Variants in GPI observed in about 807,000 individuals in gnomAD.
GPI encodes D-hexose-6-phosphate anomerase.
GPI carries 56 observed loss-of-function variants against 75.8 expected under a neutral mutation model. That is an observed-to-expected ratio of 0.74 (90% confidence interval 0.60 to 0.92). GPI has a LOEUF of 0.92. Among genes scored for constraint, GPI ranks in the 40% least tolerant of loss-of-function variants. GPI has a pLI of 0.00. For missense variants in GPI, 638 were observed against 741.0 expected, an observed-to-expected ratio of 0.86 and a Z score of 1.61; for synonymous variants, 288 against 285.4, an observed-to-expected ratio of 1.01 and a Z score of -0.09.
intron 6 of GPI, among the ~76,000 whole-genome samples, chr19:34,378,264 G>A (rs1002349732): frequency 1.3e-5 from 2 of 152,126 alleles, no homozygotes; most frequent in African/African-American, 4.8e-5. Flanking sequence ...CGTGATCTCG[G>A]CTCACTGCAA....
intron 9 of GPI, among the ~76,000 whole-genome samples, chr19:34,383,466 G>A (rs1051065077): frequency 1.3e-5 from 2 of 152,190 alleles, no homozygotes; most frequent in African/African-American, 2.4e-5. Flanking sequence ...GGCCGGTTCC[G>A]AAAAGTGAGG....
chr19:34,379,866 C>T, intron 8 of GPI: 1 of 547,338 alleles, frequency 1.8e-6, no homozygotes, highest in Non-Finnish European at 3.3e-6. Flanking sequence ...CCTTTGTGCC[C>T]AGCATCTCCC....
chr19:34,367,235 A>C, intron 3 of GPI: 1 of 358,174 alleles, frequency 2.8e-6, no homozygotes, highest in East Asian at 7.2e-5. Flanking sequence ...AGTCAATAGG[A>C]AGCAGTGGTG....
chr19:34,377,945 G>T, intron 6 of GPI, 64 bp downstream of exon 6: 1 of 1,547,848 alleles, frequency 6.5e-7, no homozygotes, highest in Non-Finnish European at 8.9e-7. Flanking sequence ...AGGGACAGCT[G>T]TCTTGCCATC....
intron 4 of GPI, among the ~76,000 whole-genome samples, chr19:34,376,590 A>G (rs1364725218): frequency 6.7e-6 from 1 of 149,908 alleles, no homozygotes; most frequent in African/African-American, 2.5e-5. Flanking sequence ...AGGCTAAAGC[A>G]GAGCATTTTG....
intron 4 of GPI, among the ~76,000 whole-genome samples, chr19:34,371,363 G>GTACAGGGGT (rs1462232734): frequency 6.6e-6 from 1 of 152,162 alleles, no homozygotes; most frequent in East Asian, 1.9e-4. Context: ...TTTGTCAGGG[G>GTACAGGGGT]ACTTACAAAG....
chr19:34,396,756 T>G, intron 14 of GPI, 99 bp downstream of exon 14: 1 of 873,236 alleles, frequency 1.1e-6, no homozygotes, highest in South Asian at 1.4e-5. Flanking sequence ...GTTAGTTTTC[T>G]ATTCCTGCCG....
upstream of GPI, among the ~76,000 whole-genome samples, chr19:34,361,615 CT>C (rs926923970): frequency 1.3e-5 from 2 of 152,112 alleles, no homozygotes; most frequent in African/African-American, 4.8e-5. Flanking sequence ...TTTCTTCTTA[CT>C]TTTCTGTGCT....
In GPI at chr19:34,365,383, C is replaced by A; in HGVS notation, c.117C>A (p.His39Gln). 6.3e-7 allele frequency: 1 copy of A among 1,582,360 alleles called. No individual in the cohort carries two copies. The highest frequency in any genetic ancestry group is 8.6e-7 in the Non-Finnish European group (1 of 1,167,350). Reference sequence around the variant, plus strand: ...ATGCCAACAAGGACCGCTTCAACCACTTCAGGTGCGGGCGGGCCGGAGGCG... The same window carrying A: ...ATGCCAACAAGGACCGCTTCAACCAATTCAGGTGCGGGCGGGCCGGAGGCG... ...LFDANKDRFN[H>Q]FSLTLNTNHG... is the part of the protein sequence containing the mutation. The change falls in exon 1 of 18, where the codon CAC becomes CAA. Residue 39 changes from histidine (H) to glutamine (Q), a missense_variant. By Grantham distance (24) the His-to-Gln change is conservative. Coordinates refer to ENST00000356487, the MANE Select transcript of GPI (RefSeq NM_000175.5).
At chr19:34,383,407 AGGT>A (rs2145381651) in intron 9 of GPI, among the ~76,000 whole-genome samples, 1 of 152,160 alleles carries the variant, frequency 6.6e-6, no homozygotes, top group African/African-American at 2.4e-5. Context: ...GCTCTGTGGG[AGGT>A]GGTGTAGACC....
intron 6 of GPI, among the ~76,000 whole-genome samples, chr19:34,378,451 G>A (rs557355196): frequency 1.6e-4 from 24 of 152,158 alleles, no homozygotes; most frequent in African/African-American, 4.8e-4. Context: ...CTGACCTCAG[G>A]TGATGCACCC....
chr19:34,374,815 G>A (rs968028350), intron 4 of GPI, among the ~76,000 whole-genome samples: 9 of 146,040 alleles, frequency 6.2e-5, no homozygotes, highest in Admixed American at 4.8e-4. Flanking sequence ...CTGCAGCCTC[G>A]AACTCCTGGG....
upstream of GPI, among the ~76,000 whole-genome samples, chr19:34,360,488 A>G (rs1334693231): frequency 6.6e-6 from 1 of 152,200 alleles, no homozygotes; most frequent in South Asian, 2.1e-4. Flanking sequence ...AGTTCTAGCT[A>G]CTCAGGAGAC....
chr19:34,391,689 G>A, intron 9 of GPI, among the ~76,000 whole-genome samples: 1 of 151,848 alleles, frequency 6.6e-6, no homozygotes, highest in Admixed American at 6.6e-5. Flanking sequence ...GTCAGTATCT[G>A]AGGAGGTAGG....
At chr19:34,365,685 G>A in intron 1 of GPI, 1 of 578,894 alleles carries the variant, frequency 1.7e-6, no homozygotes, top group South Asian at 1.5e-5. Context: ...CTGGCCATTT[G>A]AGCAGGGGCT....
rs75658952 is a variant in GPI at position 34,395,647 on chromosome 19, C to T, written c.1063-654C>T. Among the ~76,000 whole-genome samples, 130 of 152,284 alleles carry T rather than the reference C, an allele frequency of 8.5e-4. 2 individuals carry two copies. The East Asian group carries it at 0.025, about 29-fold the overall frequency. On this transcript the variant is annotated intron_variant, in intron 12 of 17. Transcript: ENST00000356487. The stretch of plus-strand genomic sequence containing the variant: ...GTCTTTAGGGAGGTCCTTGCCTGAC[C>T]TCCAGACCCACCTTTTCCTGGGCAT...
upstream of GPI, among the ~76,000 whole-genome samples, chr19:34,361,203 G>A (rs1443184639): frequency 1.3e-5 from 2 of 151,752 alleles, no homozygotes; most frequent in African/African-American, 4.8e-5. Context: ...CCATTCTCTT[G>A]CCTCAGCCTC....
upstream of GPI, chr19:34,364,993 G>A (rs1384466628): frequency 3.9e-6 from 6 of 1,532,906 alleles, no homozygotes; most frequent in East Asian, 2.5e-5. Flanking sequence ...CTTCCGGGCA[G>A]AGGCCAGCAA....
In GPI at chr19:34,365,338, G is replaced by C; in HGVS notation, c.72G>C (p.Leu24=). The C allele has an allele frequency of 6.3e-7, 1 of 1,591,882 alleles. No homozygotes were observed. The highest frequency in any genetic ancestry group is 8.5e-7 in the Non-Finnish European group (1 of 1,171,134). ...GGTACCGCGAGCACCGCTCCGAGCT[G>C]AACCTGCGCCGCCTCTTCGATGCCA... is the stretch of plus-strand genomic sequence containing the variant. The part of the protein sequence containing the change: ...QQWYREHRSE[L]NLRRLFDANK... The change falls in exon 1 of 18, where the codon CTG becomes CTC. Residue 24 remains leucine, a synonymous_variant. Coordinates refer to ENST00000356487, the MANE Select transcript of GPI (RefSeq NM_000175.5).
Sources: gnomAD v4.1 joint callset for allele counts (sites outside exome capture counted in the v4.1 genomes callset) on GRCh38, gnomAD v4.1.1 for gene constraint, MANE v1.5 for transcripts, NCBI Gene and HGNC (gene_info 2026-07-23, HGNC 2026-07-21) for gene names.